EVL: variants seen among roughly 807,000 people sequenced by gnomAD.
The protein encoded by EVL is ena/VASP-like protein.
In EVL, 21 loss-of-function variants were observed where a neutral mutation model predicts 59.6. That is an observed-to-expected ratio of 0.35 (90% CI 0.25 to 0.51). EVL has a LOEUF of 0.51. EVL is among the 20% of genes least tolerant of loss of function. EVL has a pLI of 0.97. For synonymous variants in EVL, 198 were observed against 203.5 expected, an observed-to-expected ratio of 0.97 and a Z score of 0.23; for missense variants, 462 against 546.6, an observed-to-expected ratio of 0.85 and a Z score of 1.54.
chr14:99,972,854 CTG>C lies in EVL; in HGVS notation c.5+799_5+800del, dbSNP rs1001696256. ...TTTCTGAACACGTATCTCGTAAAAA[CTG>C]TAGTTTGTAACTATAGTTTCGTTTT... On this transcript the variant is annotated intron_variant, in intron 1 of 13. Coordinates refer to the EVL transcript ENST00000402714. The surrounding 1 kb of genome is among the most constrained non-coding windows in gnomAD (Gnocchi z 4.4). Among the ~76,000 whole-genome samples the C allele has an allele frequency of 1.3e-5, 2 of 151,512 alleles. No individual in the cohort carries two copies. The highest frequency in any genetic ancestry group is 2.9e-5 in the Non-Finnish European group (2 of 67,938).
intron 1 of EVL, among the ~76,000 whole-genome samples, chr14:100,024,749 A>G (rs2061181856): frequency 6.6e-6 from 1 of 151,840 alleles, no homozygotes; most frequent in Non-Finnish European, 1.5e-5. Context: ...GGGCCCATAT[A>G]TCCATCTGCT....
At chr14:100,069,491 C>G (rs1441501795) in intron 1 of EVL, among the ~76,000 whole-genome samples, 1 of 152,174 alleles carries the variant, frequency 6.6e-6, no homozygotes, top group Non-Finnish European at 1.5e-5. Context: ...ACAGGTATTT[C>G]CAGTCCTCAC....
At chr14:99,982,728 T>C (rs2060815556) in intron 1 of EVL, among the ~76,000 whole-genome samples, 1 of 152,224 alleles carries the variant, frequency 6.6e-6, no homozygotes, top group African/African-American at 2.4e-5. Context: ...CATCTACTCT[T>C]CAGTTTGCAG....
At chr14:100,123,414 A>C in intron 3 of EVL, 125 bp from the exon 4 acceptor site, 2 of 899,808 alleles carry the variant, frequency 2.2e-6, no homozygotes, top group Non-Finnish European at 3.5e-6. Context: ...GCCAACATTT[A>C]AAAAGATTCT....
upstream of EVL, chr14:100,065,384 T>C (rs1361999526): frequency 1.7e-6 from 2 of 1,149,660 alleles, no homozygotes; most frequent in African/African-American, 1.6e-5. Context: ...TGGTTTTAAG[T>C]AGGCTATAAA....
At chr14:100,011,018 A>G (rs2061013958) in intron 1 of EVL, among the ~76,000 whole-genome samples, 1 of 152,244 alleles carries the variant, frequency 6.6e-6, no homozygotes, top group Admixed American at 6.5e-5. Context: ...AAGAAAACTA[A>G]GCAATTATTT....
intron 1 of EVL, among the ~76,000 whole-genome samples, chr14:99,990,718 T>TAG (rs1198388817): frequency 8.6e-5 from 13 of 151,936 alleles, no homozygotes; most frequent in East Asian, 3.9e-4. Context: ...TATATATATA[T>TAG]AGAGAGAGAG....
intron 1 of EVL, among the ~76,000 whole-genome samples, chr14:100,005,667 A>ACACC (rs1555411882): frequency 2.0e-5 from 3 of 147,022 alleles, no homozygotes; most frequent in African/African-American, 5.1e-5. Flanking sequence ...ACACACACAC[A>ACACC]CACCCCTTGG....
intron 2 of EVL, among the ~76,000 whole-genome samples, chr14:100,090,061 G>A (rs2062531880): frequency 6.6e-6 from 1 of 151,880 alleles, no homozygotes; most frequent in Admixed American, 6.6e-5. Flanking sequence ...AAAAATGAAA[G>A]CAAATTAAAC....
At chr14:100,088,315 T>A (rs542644617) in intron 2 of EVL, among the ~76,000 whole-genome samples, 18 of 152,336 alleles carry the variant, frequency 1.2e-4, no homozygotes, top group African/African-American at 4.1e-4. Context: ...TCTTTCTTTT[T>A]TGTAGAGGAC....
rs377018609 is a variant in EVL at position 100,130,831 on chromosome 14, C to T, written c.839+1147C>T. ...GGTGGATCCGCAGCACGGGCGTCTC[C>T]GGAGCCTCTACTGGGCCTGGGCGTT... On this transcript the variant is annotated intron_variant, in intron 7 of 13. Transcript: ENST00000392920. This position sits in a 1 kb window ranked among gnomAD's most constrained non-coding sequence, Gnocchi z 4.8. 3.3e-4 allele frequency among the ~76,000 whole-genome samples: 51 copies of T among 152,306 alleles called. No homozygotes were observed. Among genetic ancestry groups the T allele is most frequent in the African/African-American group, 1.1e-3 (46 of 41,552 alleles).
In EVL at chr14:100,005,588, A is replaced by T. The variant is rs186521886; in HGVS notation, c.5+33531A>T. Among the ~76,000 whole-genome samples the T allele has an allele frequency of 4.3e-4, 65 of 151,828 alleles. No homozygotes were observed. In the Middle Eastern group the frequency reaches 0.01, roughly 24 times the overall value. ...AAAACTCTCGCTCAAAAAAAAAGAC[A>T]GTGTCCTAGGAGAAAAACAAAAAGT... On this transcript the variant is annotated intron_variant, in intron 1 of 13. Transcript: ENST00000402714.
intron 13 of EVL, 177 bp downstream of exon 13, chr14:100,141,970 C>A: frequency 1.9e-6 from 1 of 529,218 alleles, no homozygotes; most frequent in South Asian, 3.1e-5. Context: ...AAGCTGAAAG[C>A]TAAGTGGCTT....
At chr14:100,081,244 CGA>C (rs2062296367) in intron 1 of EVL, among the ~76,000 whole-genome samples, 1 of 151,956 alleles carries the variant, frequency 6.6e-6, no homozygotes, top group South Asian at 2.1e-4. Flanking sequence ...GTGAAGATGT[CGA>C]GAAGGCAAGT....
intron 3 of EVL, among the ~76,000 whole-genome samples, chr14:100,099,402 T>G (rs1354018357): frequency 6.6e-6 from 1 of 151,950 alleles, no homozygotes; most frequent in Non-Finnish European, 1.5e-5. Flanking sequence ...ACACACACAC[T>G]GTAGGAGAGT....
chr14:100,105,482 C>T (rs769030939), intron 3 of EVL, among the ~76,000 whole-genome samples: 16 of 151,782 alleles, frequency 1.1e-4, no homozygotes, highest in Non-Finnish European at 1.9e-4. Context: ...AGACAGAGTA[C>T]TGATTGTCCT....
chr14:100,098,801 A>G lies in EVL; in HGVS notation c.358+1143A>G, dbSNP rs866811950. 2.6e-5 allele frequency among the ~76,000 whole-genome samples: 4 copies of G among 152,334 alleles called. No individual in the cohort carries two copies. The South Asian group carries it at 8.3e-4, about 32-fold the overall frequency. On this transcript the variant is annotated intron_variant, in intron 3 of 13. Coordinates refer to ENST00000392920, the MANE Select transcript of EVL (RefSeq NM_016337.3). Reference sequence around the variant, plus strand: ...ACATATGCTAGCAGAGGAACTCTTGAGCAAGTTACTGAATGTTTTTGTGCC... The same window carrying G: ...ACATATGCTAGCAGAGGAACTCTTGGGCAAGTTACTGAATGTTTTTGTGCC...
chr14:100,118,791 C>G (rs1794934674), intron 3 of EVL, among the ~76,000 whole-genome samples: 2 of 152,214 alleles, frequency 1.3e-5, no homozygotes, highest in Non-Finnish European at 2.9e-5. Flanking sequence ...GTGTTTCTCC[C>G]CAGCTCATGG....
chr14:100,012,439 C>T (rs2061022617), intron 1 of EVL, among the ~76,000 whole-genome samples: 1 of 152,166 alleles, frequency 6.6e-6, no homozygotes, highest in South Asian at 2.1e-4. Flanking sequence ...TTCCTTTCTT[C>T]CTGGAAATAC....
Sources: allele counts gnomAD v4.1 joint callset (sites outside exome capture counted in the v4.1 genomes callset), GRCh38; gene constraint gnomAD v4.1.1; non-coding constraint Gnocchi (gnomAD v3.1); transcripts MANE v1.5; gene names NCBI Gene and HGNC (gene_info 2026-07-23, HGNC 2026-07-21).